SEC63: variants seen among roughly 807,000 people sequenced by gnomAD.
SEC63 encodes the protein translocation protein SEC63 homolog.
In SEC63, 56 loss-of-function variants were observed where a neutral mutation model predicts 116.2. That is an observed-to-expected ratio of 0.48 (90% CI 0.39 to 0.60). The LOEUF is 0.60. SEC63 is among the 20% of genes least tolerant of loss of function. The pLI, the probability that SEC63 is intolerant of heterozygous loss-of-function variation, is 0.00. For missense variants in SEC63, 668 were observed against 900.0 expected (o/e 0.74, Z 3.30); for synonymous variants, 273 against 294.6 (o/e 0.93, Z 0.75).
chr6:107,940,608 A>G (rs368593508), intron 1 of SEC63, among the ~76,000 whole-genome samples: 13 of 152,212 alleles, frequency 8.5e-5, no homozygotes, highest in Admixed American at 4.6e-4. Flanking sequence ...CCCCTGATTT[A>G]AAGTGCGCGC....
chr6:107,931,286 G>A (rs551690053), intron 1 of SEC63, among the ~76,000 whole-genome samples: 1 of 150,616 alleles, frequency 6.6e-6, no homozygotes, highest in South Asian at 2.1e-4. Flanking sequence ...AGGTCGCAGT[G>A]AGCCAAGATC....
chr6:107,950,238 T>C (rs1048106897), intron 1 of SEC63, among the ~76,000 whole-genome samples: 1 of 152,184 alleles, frequency 6.6e-6, no homozygotes, highest in African/African-American at 2.4e-5. Context: ...ATATAACATT[T>C]ATAAACATTT....
rs544293033 is a variant in SEC63 at position 107,920,726 on chromosome 6, T to G, written c.452+1071A>C. ...TAAGAGCTATGTGGGGATGTACTTA[T>G]GAAGAGTCCTGAAGAATCTAGTTAA... On this transcript the variant is annotated intron_variant, in intron 4 of 20. Transcript: ENST00000369002. Among the ~76,000 whole-genome samples the G allele has an allele frequency of 1.2e-4, 19 of 152,334 alleles. No homozygotes were observed. In the South Asian group the frequency reaches 3.9e-3, roughly 32 times the overall value.
chr6:107,945,312 T>A (rs1157933761), intron 1 of SEC63, among the ~76,000 whole-genome samples: 3 of 151,286 alleles, frequency 2.0e-5, no homozygotes, highest in African/African-American at 7.3e-5. Context: ...TTTCTTTTTT[T>A]TTTTTTTGTT....
intron 10 of SEC63, among the ~76,000 whole-genome samples, 200 bp from the exon 11 acceptor site, chr6:107,904,921 C>T (rs374401420): frequency 1.3e-5 from 2 of 152,154 alleles, no homozygotes; most frequent in Non-Finnish European, 2.9e-5. Flanking sequence ...TCAGATTAGA[C>T]GTTTCAAAGA....
At chr6:107,891,702 A>G (rs1257612677) in intron 16 of SEC63, among the ~76,000 whole-genome samples, 2 of 151,976 alleles carry the variant, frequency 1.3e-5, no homozygotes, top group African/African-American at 2.4e-5. Flanking sequence ...GGATTTATCT[A>G]CCTTTGGTCT....
chr6:107,920,186 G>A (rs994386427), intron 4 of SEC63, among the ~76,000 whole-genome samples: 1 of 152,184 alleles, frequency 6.6e-6, no homozygotes, highest in Admixed American at 6.5e-5. Context: ...CACTTTGGGA[G>A]GCCGAGGCGG....
At chr6:107,917,957 C>A (rs1787450220) in intron 4 of SEC63, among the ~76,000 whole-genome samples, 1 of 152,084 alleles carries the variant, frequency 6.6e-6, no homozygotes, top group South Asian at 2.1e-4. Flanking sequence ...GACAAAATAG[C>A]CTTATACTGG....
intron 4 of SEC63, among the ~76,000 whole-genome samples, chr6:107,916,284 G>GA (rs1182405588): frequency 2.6e-5 from 4 of 152,208 alleles, no homozygotes. Flanking sequence ...GACACTAACT[G>GA]AAAGACAGTA....
chr6:107,889,064 G>A (rs181730096), intron 16 of SEC63, among the ~76,000 whole-genome samples: 1 of 152,204 alleles, frequency 6.6e-6, no homozygotes, highest in East Asian at 1.9e-4. Flanking sequence ...TTTTTGTTGT[G>A]TCTCTGCCAG....
At chr6:107,935,227 C>T (rs1204743259) in intron 1 of SEC63, among the ~76,000 whole-genome samples, 1 of 151,704 alleles carries the variant, frequency 6.6e-6, no homozygotes, top group Non-Finnish European at 1.5e-5. Flanking sequence ...GCGCCTCTGC[C>T]CGGCCGCCCC....
At chr6:107,950,250 C>T (rs1397717926) in intron 1 of SEC63, among the ~76,000 whole-genome samples, 1 of 151,648 alleles carries the variant, frequency 6.6e-6, no homozygotes, top group Non-Finnish European at 1.5e-5. Context: ...TAAACATTTA[C>T]GTATCTAATG....
chr6:107,922,200 AAAT>A (rs1298337244), intron 3 of SEC63, among the ~76,000 whole-genome samples: 4 of 152,344 alleles, frequency 2.6e-5, no homozygotes, highest in South Asian at 2.1e-4. Flanking sequence ...AATTTACATA[AAAT>A]AATACTGACA....
At chr6:107,937,442 C>G (rs1180298691) in intron 1 of SEC63, among the ~76,000 whole-genome samples, 1 of 152,124 alleles carries the variant, frequency 6.6e-6, no homozygotes, top group East Asian at 1.9e-4. Flanking sequence ...TTTTCTTTAT[C>G]CAGTCCGCTA....
chr6:107,928,004 G>T (rs573406755), intron 2 of SEC63, among the ~76,000 whole-genome samples: 1 of 152,140 alleles, frequency 6.6e-6, no homozygotes, highest in Non-Finnish European at 1.5e-5. Flanking sequence ...GCAGATATGG[G>T]GGGGAGGGGC....
At chr6:107,953,760 C>T (rs1197913567) in intron 1 of SEC63, among the ~76,000 whole-genome samples, 1 of 143,036 alleles carries the variant, frequency 7.0e-6, no homozygotes, top group African/African-American at 2.6e-5. Flanking sequence ...GTTCAGCCCC[C>T]CGCCCGGCCA....
chr6:107,940,436 G>A (rs1180015205), intron 1 of SEC63, among the ~76,000 whole-genome samples: 3 of 152,064 alleles, frequency 2.0e-5, no homozygotes, highest in African/African-American at 4.8e-5. Context: ...CAGCACTACT[G>A]ACATTTTGGA....
At chr6:107,922,669 T>C (rs941108399) in intron 3 of SEC63, among the ~76,000 whole-genome samples, 3 of 152,220 alleles carry the variant, frequency 2.0e-5, no homozygotes, top group Admixed American at 1.3e-4. Context: ...GGTTTCTTAG[T>C]CTCGATTTCT....
chr6:107,913,407 C>T lies in SEC63; in HGVS notation c.473G>A (p.Arg158Gln). 6 of 1,612,996 alleles carry T rather than the reference C, an allele frequency of 3.7e-6. No homozygotes were observed. Among genetic ancestry groups the T allele is most frequent in the Admixed American group, 1.7e-5 (1 of 60,002 alleles). The change falls in exon 5 of 21, where the codon CGG (arginine) becomes CAG (glutamine). Residue 158 changes from arginine (R) to glutamine (Q), a missense_variant. Physicochemically the swap from Arg to Gln is conservative, Grantham distance 43. Around this residue, in one of 5 missense-constraint regions of SEC63, gnomAD observed 10 missense variants for 39.6 expected, o/e 0.25. Transcript: ENST00000369002. ...AYAALTDEES[R>Q]KNWEEFGNPD... ...ATTTCCAAATTCTTCCCAATTTTTC[C>T]GGGACTCTTCATCCGTTAAACTAGC...
Sources: allele counts gnomAD v4.1 joint callset (sites outside exome capture counted in the v4.1 genomes callset), GRCh38; gene constraint gnomAD v4.1.1; regional missense constraint gnomAD v4.1.1; transcripts MANE v1.5; gene names NCBI Gene and HGNC (gene_info 2026-07-23, HGNC 2026-07-21).